Variants in RMDN2 observed in about 807,000 individuals in gnomAD.
RMDN2 encodes regulator of microtubule dynamics 2.
Under a neutral mutation model 52.8 loss-of-function variants are expected in RMDN2, and 61 were observed. The ratio of observed to expected loss-of-function variants is 1.16; its 90% CI spans 0.94 to 1.43. The LOEUF is 1.43. Ranked by LOEUF, RMDN2 falls within the 40% of genes most tolerant of loss-of-function variation. RMDN2 has a pLI of 0.00. For synonymous variants in RMDN2, 180 were observed against 153.1 expected (o/e 1.18, Z -1.30); for missense variants, 592 against 475.3 (o/e 1.25, Z -2.28).
chr2:38,022,047 T>C (rs1679422870), downstream of RMDN2, among the ~76,000 whole-genome samples: 3 of 152,186 alleles, frequency 2.0e-5, no homozygotes, highest in Non-Finnish European at 4.4e-5. Context: ...AAATAACTTG[T>C]CACAGACCTT....
chr2:38,012,708 A>AT (rs1678180765), intron 10 of RMDN2: 1 of 407,998 alleles, frequency 2.5e-6, no homozygotes, highest in African/African-American at 2.1e-5. Flanking sequence ...AGTGAGTTAT[A>AT]TGTAATACCC....
intron 10 of RMDN2, among the ~76,000 whole-genome samples, chr2:38,024,386 C>T (rs748984277): frequency 1.2e-4 from 18 of 152,168 alleles, no homozygotes; most frequent in Non-Finnish European, 2.2e-4. Flanking sequence ...TACCATTTCA[C>T]ATTCTCACCA....
At chr2:37,937,503 A>G (rs1667407540) in intron 2 of RMDN2, among the ~76,000 whole-genome samples, 1 of 152,132 alleles carries the variant, frequency 6.6e-6, no homozygotes, top group African/African-American at 2.4e-5. Flanking sequence ...GGCCATTTTC[A>G]CAATATTGAT....
At chr2:37,977,006 G>A (rs932890499) in intron 4 of RMDN2, among the ~76,000 whole-genome samples, 1 of 152,072 alleles carries the variant, frequency 6.6e-6, no homozygotes, top group African/African-American at 2.4e-5. Context: ...CTTCTGCAGT[G>A]TTTGTGTCCC....
At chr2:38,047,286 C>T (rs1681330583) in intron 10 of RMDN2, among the ~76,000 whole-genome samples, 1 of 152,082 alleles carries the variant, frequency 6.6e-6, no homozygotes, top group South Asian at 2.1e-4. Flanking sequence ...AAATAATTCT[C>T]TATAAATATG....
intron 10 of RMDN2, among the ~76,000 whole-genome samples, chr2:38,005,899 C>A (rs1455638638): frequency 1.3e-5 from 2 of 152,172 alleles, no homozygotes; most frequent in Non-Finnish European, 2.9e-5. Flanking sequence ...AGGAAGGGAT[C>A]CAGTTTCAGC....
At chr2:37,995,377 T>A (rs1379036354) in intron 7 of RMDN2, among the ~76,000 whole-genome samples, 2 of 143,904 alleles carry the variant, frequency 1.4e-5, no homozygotes, top group Non-Finnish European at 1.6e-5. Flanking sequence ...ACACACACAC[T>A]CATAAATTTT....
chr2:38,042,426 A>ACACAC (rs3057332), intron 10 of RMDN2, among the ~76,000 whole-genome samples: 43,900 of 144,096 alleles, frequency 0.3, 7,826 homozygotes, highest in East Asian at 0.75. Flanking sequence ...CACACACACC[A>ACACAC]CACACACACA....
chr2:37,951,646 T>C (rs1415928795), intron 2 of RMDN2: 4 of 1,613,428 alleles, frequency 2.5e-6, no homozygotes, highest in Admixed American at 1.7e-5. Context: ...GCCATTTTTT[T>C]TGATCCTCAA....
chr2:37,955,032 A>G (rs979264592), intron 2 of RMDN2, among the ~76,000 whole-genome samples: 1 of 151,922 alleles, frequency 6.6e-6, no homozygotes, highest in Non-Finnish European at 1.5e-5. Context: ...CCTGATTTTT[A>G]TATGTTGATT....
At chr2:37,957,120 G>A (rs374434847) in intron 2 of RMDN2, among the ~76,000 whole-genome samples, 1 of 152,100 alleles carries the variant, frequency 6.6e-6, no homozygotes, top group Admixed American at 6.6e-5. Context: ...AAACATACAG[G>A]TGTATGTTAT....
At chr2:38,055,606 G>A (rs543801631) in intron 10 of RMDN2, among the ~76,000 whole-genome samples, 4 of 152,274 alleles carry the variant, frequency 2.6e-5, no homozygotes, top group East Asian at 1.9e-4. Context: ...TGAAGTATCA[G>A]CTTGGTCCTC....
intron 10 of RMDN2, among the ~76,000 whole-genome samples, chr2:38,014,086 C>T (rs1158968583): frequency 6.6e-6 from 1 of 151,796 alleles, no homozygotes; most frequent in Non-Finnish European, 1.5e-5. Context: ...GTGGCACATG[C>T]CTATAATCCC....
At chr2:38,028,914 C>G (rs1295580313) in intron 10 of RMDN2, among the ~76,000 whole-genome samples, 1 of 152,178 alleles carries the variant, frequency 6.6e-6, no homozygotes, top group Non-Finnish European at 1.5e-5. Flanking sequence ...AAATTGCCTC[C>G]TGACCATCCC....
intron 10 of RMDN2, among the ~76,000 whole-genome samples, chr2:38,055,693 G>T (rs1681833065): frequency 2.0e-5 from 3 of 152,130 alleles, no homozygotes; most frequent in South Asian, 4.1e-4. Context: ...AGAGGAGGAT[G>T]CACTGTCTCT....
At chr2:37,994,778 C>A (rs1342469349) in intron 7 of RMDN2, among the ~76,000 whole-genome samples, 1 of 152,122 alleles carries the variant, frequency 6.6e-6, no homozygotes, top group Non-Finnish European at 1.5e-5. Context: ...ATTATCAATT[C>A]CTAAGTATTC....
At chr2:38,041,796 C>A (rs1236485936) in intron 10 of RMDN2, among the ~76,000 whole-genome samples, 1 of 152,158 alleles carries the variant, frequency 6.6e-6, no homozygotes, top group Non-Finnish European at 1.5e-5. Context: ...CTTGAATAAA[C>A]CCCACTTGGG....
In RMDN2 at chr2:38,004,234, C is replaced by G; in HGVS notation, c.1179+18C>G. On this transcript the variant is annotated intron_variant, in intron 10 of 10. Coordinates refer to ENST00000354545, the MANE Select transcript of RMDN2 (RefSeq NM_001170791.3). ...CCAAAGAGGTAAGTCCAGAAAGTGA[C>G]AGTGAGTGCTGTTGTCTTGTTAGTA... The G allele has an allele frequency of 1.3e-6, 2 of 1,557,072 alleles. No homozygotes were observed. The highest frequency in any genetic ancestry group is 1.8e-6 in the Non-Finnish European group (2 of 1,128,198).
chr2:38,026,411 T>A (rs1679785871), intron 10 of RMDN2, among the ~76,000 whole-genome samples: 1 of 152,152 alleles, frequency 6.6e-6, no homozygotes, highest in African/African-American at 2.4e-5. Flanking sequence ...AGTTTATCAA[T>A]GTTGCTGAGC....
Sources: allele counts gnomAD v4.1 joint callset (sites outside exome capture counted in the v4.1 genomes callset), GRCh38; gene constraint gnomAD v4.1.1; transcripts MANE v1.5; gene names NCBI Gene and HGNC (gene_info 2026-07-23, HGNC 2026-07-21).